The following PKIB variants were observed in gnomAD, a reference collection of about 807,000 sequenced individuals.
PKIB encodes PKI-beta.
PKIB carries 2 observed loss-of-function variants against 4.5 expected under a neutral mutation model. The observed-to-expected ratio is 0.44, with a 90% CI of 0.18 to 1.39. The LOEUF is 1.39. Ranked by LOEUF, PKIB falls within the 40% of genes most tolerant of loss-of-function variation. PKIB has a pLI of 0.27. For synonymous variants in PKIB, 38 were observed against 36.0 expected (o/e 1.06, Z -0.20); for missense variants, 94 against 92.6 (o/e 1.02, Z -0.06).
rs202162089 is a variant in PKIB, at chr6:122,540,354, G to A, written c.-247-45567G>A. On this transcript the variant is annotated intron_variant, in intron 2 of 6. Coordinates refer to the PKIB transcript ENST00000392491. Reference sequence around the variant, plus strand: ...TTTCCCTCTACACACTGCTTTGAATGTGTCCCAGAGATTCTGGTATGTTGT... The same window carrying A: ...TTTCCCTCTACACACTGCTTTGAATATGTCCCAGAGATTCTGGTATGTTGT... Among the ~76,000 whole-genome samples, 253 of 152,024 alleles carry A rather than the reference G, an allele frequency of 1.7e-3. 2 individuals are homozygous for A. The East Asian group carries it at 0.032, about 20-fold the overall frequency.
intron 2 of PKIB, among the ~76,000 whole-genome samples, chr6:122,673,268 G>A (rs1393753603): frequency 6.6e-6 from 1 of 152,074 alleles, no homozygotes; most frequent in Non-Finnish European, 1.5e-5. Context: ...TTATCTAACA[G>A]ACTTTAAACT....
At chr6:122,691,299 C>T (rs866600086) in intron 3 of PKIB, among the ~76,000 whole-genome samples, 80 of 152,100 alleles carry the variant, frequency 5.3e-4, no homozygotes, top group African/African-American at 1.8e-3. Flanking sequence ...TCTACCTACT[C>T]TTTAAGGCCA....
At chr6:122,655,330 G>A (rs1582781119) in intron 2 of PKIB, among the ~76,000 whole-genome samples, 1 of 152,322 alleles carries the variant, frequency 6.6e-6, no homozygotes, top group Non-Finnish European at 1.5e-5. Context: ...CCAAGGTGAT[G>A]GTTTTAGGAG....
At chr6:122,576,102 G>A (rs1025027449) in intron 2 of PKIB, among the ~76,000 whole-genome samples, 3 of 152,208 alleles carry the variant, frequency 2.0e-5, no homozygotes, top group African/African-American at 7.2e-5. Context: ...GAGGGAAGAA[G>A]TAAAAGAAAC....
At chr6:122,715,442 G>T (rs920357165) in intron 3 of PKIB, among the ~76,000 whole-genome samples, 1 of 151,804 alleles carries the variant, frequency 6.6e-6, no homozygotes, top group Non-Finnish European at 1.5e-5. Context: ...GCCAGAAAAT[G>T]GGGTCTACTT....
At chr6:122,597,472 T>C (rs1774213550) in intron 3 of PKIB, among the ~76,000 whole-genome samples, 1 of 152,182 alleles carries the variant, frequency 6.6e-6, no homozygotes. Flanking sequence ...AAACCATATC[T>C]GGTACAGCAG....
chr6:122,512,697 T>C (rs1294688948), intron 2 of PKIB, among the ~76,000 whole-genome samples: 1 of 152,182 alleles, frequency 6.6e-6, no homozygotes, highest in African/African-American at 2.4e-5. Context: ...TTATCACTTA[T>C]CACACTGAGA....
intron 3 of PKIB, among the ~76,000 whole-genome samples, chr6:122,591,418 G>A (rs145327458): frequency 4.1e-4 from 62 of 152,114 alleles, no homozygotes; most frequent in African/African-American, 1.5e-3. Flanking sequence ...AGATTTGAAC[G>A]TCTAAGTCAA....
intron 2 of PKIB, among the ~76,000 whole-genome samples, chr6:122,661,000 A>C (rs1776963222): frequency 6.6e-6 from 1 of 152,198 alleles, no homozygotes; most frequent in African/African-American, 2.4e-5. Context: ...GATTTGTTAA[A>C]TATAACAAGC....
chr6:122,617,929 T>C (rs12196311), intron 1 of PKIB, among the ~76,000 whole-genome samples: 8,985 of 152,238 alleles, frequency 0.059, 374 homozygotes, highest in Non-Finnish European at 0.096. Context: ...AACAATGGTG[T>C]ACAGTTTGTA....
At chr6:122,646,411 G>C (rs913735885) in intron 2 of PKIB, among the ~76,000 whole-genome samples, 4 of 152,052 alleles carry the variant, frequency 2.6e-5, no homozygotes, top group African/African-American at 9.7e-5. Flanking sequence ...GCATTTAACA[G>C]CCTTCTATTA....
At chr6:122,702,033 A>G (rs1166642388) in intron 3 of PKIB, among the ~76,000 whole-genome samples, 1 of 149,028 alleles carries the variant, frequency 6.7e-6, no homozygotes, top group Admixed American at 6.8e-5. Context: ...ATAAAAGGGT[A>G]ATATGACAAA....
At chr6:122,542,742 A>G (rs1777646061) in intron 2 of PKIB, among the ~76,000 whole-genome samples, 1 of 151,896 alleles carries the variant, frequency 6.6e-6, no homozygotes, top group Non-Finnish European at 1.5e-5. Context: ...TCTCTTCAAA[A>G]CTGTCAGACA....
At chr6:122,582,482 A>G (rs1773731212) in intron 2 of PKIB, among the ~76,000 whole-genome samples, 1 of 152,132 alleles carries the variant, frequency 6.6e-6, no homozygotes, top group African/African-American at 2.4e-5. Context: ...TTCTGAATCC[A>G]AAGTCTGAAT....
chr6:122,496,513 A>G (rs1477753007), intron 2 of PKIB, among the ~76,000 whole-genome samples: 1 of 152,234 alleles, frequency 6.6e-6, no homozygotes. Flanking sequence ...AACTAAGGAA[A>G]AGATAAATCT....
chr6:122,563,152 G>T (rs949027493), intron 2 of PKIB, among the ~76,000 whole-genome samples: 1 of 152,120 alleles, frequency 6.6e-6, no homozygotes, highest in Admixed American at 6.6e-5. Flanking sequence ...GTCCCATGGG[G>T]TGTTCCCTTG....
At chr6:122,619,936 C>G (rs1232569517) in intron 1 of PKIB, among the ~76,000 whole-genome samples, 1 of 152,080 alleles carries the variant, frequency 6.6e-6, no homozygotes. Context: ...TAACTTCCAC[C>G]TTTTCCCTTA....
chr6:122,644,325 G>C (rs1776231540), intron 2 of PKIB: 1 of 152,200 alleles, frequency 6.6e-6, no homozygotes, highest in Admixed American at 6.5e-5. Context: ...GAAACAGCAT[G>C]AGACAGTGGA....
rs185952629 is a variant in PKIB, at chr6:122,562,814, G to T, written c.-247-23107G>T. Among the ~76,000 whole-genome samples, 336 of 151,164 alleles carry T rather than the reference G, an allele frequency of 2.2e-3. 8 individuals carry two copies. In the East Asian group the frequency reaches 0.044, roughly 20 times the overall value. The stretch of plus-strand genomic sequence containing the variant: ...TCCAAAGTTTTCTGAATTTTTGATT[G>T]TTTTTTTCCTTAAGCTATCTATTTC... On this transcript the variant is annotated intron_variant, in intron 2 of 6. Transcript: ENST00000392491.
Sources: allele counts gnomAD v4.1 joint callset (sites outside exome capture counted in the v4.1 genomes callset), GRCh38; gene constraint gnomAD v4.1.1; transcripts MANE v1.5; gene names NCBI Gene and HGNC (gene_info 2026-07-23, HGNC 2026-07-21).